The following CSRNP2 variants were observed in gnomAD, a reference collection of about 807,000 sequenced individuals.
CSRNP2 encodes the protein cysteine/serine-rich nuclear protein 2.
Under a neutral mutation model 36.6 loss-of-function variants are expected in CSRNP2, and 11 were observed. The ratio of observed to expected loss-of-function variants is 0.30; its 90% CI spans 0.19 to 0.50. The LOEUF (loss-of-function observed/expected upper bound fraction) is 0.50. CSRNP2 is among the 20% of genes least tolerant of loss of function. The pLI is 0.98. For missense variants in CSRNP2, 483 were observed against 691.4 expected (o/e 0.70, Z 3.38); for synonymous variants, 248 against 275.3 (o/e 0.90, Z 0.98).
At chr12:51,081,966 A>T (rs1051814933) in intron 1 of CSRNP2, among the ~76,000 whole-genome samples, 1 of 152,268 alleles carries the variant, frequency 6.6e-6, no homozygotes, top group African/African-American at 2.4e-5. Context: ...AGTCCAAAGT[A>T]ATAAGCTACA....
intron 2 of CSRNP2, among the ~76,000 whole-genome samples, chr12:51,076,008 G>A (rs1339384936): frequency 2.0e-5 from 3 of 152,002 alleles, no homozygotes; most frequent in African/African-American, 7.2e-5. Flanking sequence ...CTGAGATCTC[G>A]CCACTGCACT....
At position 51,064,395 on chromosome 12, in the gene CSRNP2, T is replaced by C; in HGVS notation, c.983A>G (p.Gln328Arg). The C allele has an allele frequency of 6.2e-7, 1 of 1,614,142 alleles. No individual in the cohort carries two copies. Residue 328 changes from glutamine (Q) to arginine (R), a missense_variant, in exon 5 of 5, where the codon CAG becomes CGG. Coordinates refer to ENST00000228515, the MANE Select transcript of CSRNP2 (RefSeq NM_030809.3). ...AENETAVMHL[Q>R]SAEELERLKA... is the part of the protein sequence containing the mutation. The stretch of plus-strand genomic sequence containing the variant: ...GAGCCGCTCCAGTTCCTCTGCACTC[T>C]GCAGGTGCATCACTGCTGTCTCATT...
At chr12:51,080,151 G>A (rs79110835) in intron 1 of CSRNP2, among the ~76,000 whole-genome samples, 2 of 4,450 alleles carry the variant, frequency 4.5e-4, no homozygotes, top group Non-Finnish European at 4.4e-3. Context: ...CAGGCAGGCA[G>A]GCAGGCAGGC....
chr12:51,071,251 C>A (rs1216744272), intron 3 of CSRNP2, among the ~76,000 whole-genome samples: 2 of 110,486 alleles, frequency 1.8e-5, no homozygotes, highest in South Asian at 6.9e-4. Context: ...CGGAGTGAGA[C>A]CCTGCATCAA....
intron 4 of CSRNP2, among the ~76,000 whole-genome samples, chr12:51,066,526 A>G (rs959806008): frequency 6.6e-6 from 1 of 151,416 alleles, no homozygotes; most frequent in African/African-American, 2.4e-5. Context: ...CTGTAATCCC[A>G]GCTACTTGGG....
chr12:51,072,471 G>A (rs1050008035), intron 3 of CSRNP2, among the ~76,000 whole-genome samples: 1 of 149,546 alleles, frequency 6.7e-6, no homozygotes, highest in Non-Finnish European at 1.5e-5. Context: ...GCTGAGGCAG[G>A]AGAATGGTGT....
At chr12:51,083,235 A>T (rs1278899584) in intron 1 of CSRNP2, 104 bp downstream of exon 1, 3 of 150,126 alleles carry the variant, frequency 2.0e-5, no homozygotes, top group African/African-American at 7.4e-5. Flanking sequence ...TGACCCCTCC[A>T]TCCGCACGGC....
chr12:51,081,891 C>T (rs761610849), intron 1 of CSRNP2, among the ~76,000 whole-genome samples: 7 of 152,014 alleles, frequency 4.6e-5, no homozygotes, highest in Non-Finnish European at 8.8e-5. Flanking sequence ...AGGGACTGCC[C>T]AGGCAAAATT....
intron 1 of CSRNP2, 60 bp from the exon 2 acceptor site, chr12:51,076,707 A>C (rs1455568068): frequency 2.6e-6 from 2 of 781,602 alleles, no homozygotes; most frequent in Non-Finnish European, 4.2e-6. Flanking sequence ...TCCCCAGTCT[A>C]TACACACAGC....
chr12:51,080,501 A>G (rs960661728), intron 1 of CSRNP2, among the ~76,000 whole-genome samples: 18 of 152,200 alleles, frequency 1.2e-4, no homozygotes, highest in Non-Finnish European at 2.6e-4. Flanking sequence ...TTTCTGGGCA[A>G]TGATAGGAGA....
intron 1 of CSRNP2, chr12:51,082,976 CCT>C (rs1045982545): frequency 1.3e-5 from 2 of 152,812 alleles, no homozygotes; most frequent in Non-Finnish European, 2.9e-5. Context: ...CCCACATTTT[CCT>C]CTGTTCCCCC....
chr12:51,073,537 G>C (rs1316674018), intron 3 of CSRNP2, among the ~76,000 whole-genome samples: 2 of 151,680 alleles, frequency 1.3e-5, no homozygotes, highest in Non-Finnish European at 2.9e-5. Context: ...TTCGAGACCA[G>C]CCTGGGCAAC....
At position 51,073,907 on chromosome 12, in the gene CSRNP2, C is replaced by T; in HGVS notation, c.327G>A (p.Glu109=). ...HNSVRSYTLC[E]FAQEQEVNHR... The stretch of plus-strand genomic sequence containing the variant: ...GGTTCACCTCCTGTTCCTGGGCAAA[C>T]TCACAGAGTGTATAGCTCCGTACAG... The change falls in exon 3 of 5, where the codon GAG becomes GAA. Residue 109 remains glutamate (E), a synonymous_variant. Transcript: ENST00000228515. 1.9e-6 allele frequency: 3 copies of T among 1,614,142 alleles called. No homozygotes were observed. In the South Asian group the frequency reaches 3.3e-5, roughly 18 times the overall value.
At chr12:51,074,241 C>T (rs1331368523) in intron 2 of CSRNP2, among the ~76,000 whole-genome samples, 159 bp from the exon 3 acceptor site, 1 of 152,200 alleles carries the variant, frequency 6.6e-6, no homozygotes, top group African/African-American at 2.4e-5. Flanking sequence ...CCTCAGCCTC[C>T]TGAGAAGCTG....
intron 3 of CSRNP2, among the ~76,000 whole-genome samples, chr12:51,072,085 C>G (rs1939183899): frequency 6.6e-6 from 1 of 152,192 alleles, no homozygotes; most frequent in African/African-American, 2.4e-5. Flanking sequence ...TAACGTGTCT[C>G]TCTCATGACT....
chr12:51,064,223 C>G lies in CSRNP2; in HGVS notation c.1155G>C (p.Leu385=). ...LTAPILIQAQ[L]PPGSSVLCFT... ...AACACAGGACAGAGGAGCCTGGGGG[C>G]AGCTGAGCCTGGATGAGAATGGGGG... The change falls in exon 5 of 5, where the codon CTG becomes CTC. Residue 385 remains leucine, a synonymous_variant. Coordinates refer to ENST00000228515, the MANE Select transcript of CSRNP2 (RefSeq NM_030809.3). 1 of 1,613,632 alleles carries G rather than the reference C, an allele frequency of 6.2e-7. No homozygotes were observed. Among genetic ancestry groups the G allele is most frequent in the South Asian group, 1.1e-5 (1 of 91,062 alleles).
Position 51,063,599 on chromosome 12 carries a change from A to C in CSRNP2, c.*147T>G. On this transcript the variant is annotated 3_prime_UTR_variant, in exon 5 of 5. Coordinates refer to ENST00000228515, the MANE Select transcript of CSRNP2 (RefSeq NM_030809.3). ...ACTGTTTCCCTTTTAAAAAATACTC[A>C]AACAATCCTTTCCCACCCATTCCCC... The C allele has an allele frequency of 1.6e-6, 1 of 636,430 alleles. No individual in the cohort carries two copies. Among genetic ancestry groups the C allele is most frequent in the Non-Finnish European group, 2.6e-6 (1 of 391,998 alleles). The allele number at this position is 636,430 out of a possible 1,614,324, so 39.4% of individuals were successfully genotyped here.
At chr12:51,065,630 T>G (rs1426173160) in intron 4 of CSRNP2, among the ~76,000 whole-genome samples, 1 of 151,980 alleles carries the variant, frequency 6.6e-6, no homozygotes, top group Non-Finnish European at 1.5e-5. Context: ...GCCCTAATTT[T>G]AAAATTTTTT....
chr12:51,079,671 C>A (rs2136930453), intron 1 of CSRNP2, among the ~76,000 whole-genome samples: 1 of 144,448 alleles, frequency 6.9e-6, no homozygotes, highest in Admixed American at 7.2e-5. Context: ...ACTCAGGAGG[C>A]TGTGGCAGGA....
Sources: gnomAD v4.1 joint callset for allele counts (sites outside exome capture counted in the v4.1 genomes callset) on GRCh38, gnomAD v4.1.1 for gene constraint, MANE v1.5 for transcripts, NCBI Gene and HGNC (gene_info 2026-07-23, HGNC 2026-07-21) for gene names.